The following NCMAP variants were observed in gnomAD, a reference collection of about 807,000 sequenced individuals.
NCMAP encodes non-compact myelin associated protein, also known as noncompact myelin-associated protein.
A neutral mutation model predicts 7.8 loss-of-function variants in NCMAP; 8 were observed. The ratio of observed to expected loss-of-function variants is 1.02; its 90% CI spans 0.60 to 1.84. The LOEUF is 1.84. NCMAP is among the 40% of genes most tolerant of loss of function. The probability of loss-of-function intolerance (pLI) is 0.00; values close to 1 mark genes in which losing one functional copy is unlikely to be tolerated. For missense variants in NCMAP, 112 were observed against 131.4 expected (o/e 0.85, Z 0.72); for synonymous variants, 41 against 52.9 (o/e 0.78, Z 0.98).
chr1:24,556,996 C>T (rs2148923210), intron 1 of NCMAP, among the ~76,000 whole-genome samples: 1 of 152,256 alleles, frequency 6.6e-6, no homozygotes, highest in Admixed American at 6.5e-5. Context: ...TGATGTGCTC[C>T]TTAAATGAAA....
intron 2 of NCMAP, among the ~76,000 whole-genome samples, chr1:24,599,724 C>G (rs1431727781): frequency 6.6e-6 from 1 of 150,812 alleles, no homozygotes; most frequent in East Asian, 2.0e-4. Context: ...ATTACAGGCA[C>G]ATGCCATCAC....
intron 2 of NCMAP, among the ~76,000 whole-genome samples, chr1:24,596,790 G>A (rs746562257): frequency 2.2e-4 from 33 of 152,344 alleles, no homozygotes; most frequent in Non-Finnish European, 2.6e-4. Context: ...ATGTAGGCGG[G>A]AAGAGTGAGT....
At chr1:24,568,458 C>T (rs1176501386) in intron 1 of NCMAP, among the ~76,000 whole-genome samples, 1 of 152,082 alleles carries the variant, frequency 6.6e-6, no homozygotes, top group Non-Finnish European at 1.5e-5. Context: ...ATTTTAACCT[C>T]GATTCTCATG....
chr1:24,562,275 G>A (rs1372959409), intron 1 of NCMAP, among the ~76,000 whole-genome samples: 1 of 152,184 alleles, frequency 6.6e-6, no homozygotes, highest in Admixed American at 6.5e-5. Flanking sequence ...TAATGTGCCA[G>A]GCATTCTACG....
chr1:24,598,404 C>T (rs140778048), intron 2 of NCMAP, among the ~76,000 whole-genome samples: 7 of 152,166 alleles, frequency 4.6e-5, no homozygotes, highest in South Asian at 2.1e-4. Flanking sequence ...CCTCCACCCC[C>T]CCAAGGGGAC....
intron 3 of NCMAP, among the ~76,000 whole-genome samples, chr1:24,601,816 A>C (rs1322078301): frequency 6.6e-6 from 1 of 152,126 alleles, no homozygotes; most frequent in Non-Finnish European, 1.5e-5. Context: ...CAAGATGGGC[A>C]GATAACGAGG....
intron 3 of NCMAP, among the ~76,000 whole-genome samples, chr1:24,601,339 A>T (rs2148938565): frequency 6.6e-6 from 1 of 152,142 alleles, no homozygotes; most frequent in East Asian, 1.9e-4. Context: ...TCTCTCAGAG[A>T]TCTCTCTTCT....
At chr1:24,568,511 G>C (rs1275916355) in intron 1 of NCMAP, among the ~76,000 whole-genome samples, 1 of 152,088 alleles carries the variant, frequency 6.6e-6, no homozygotes, top group Non-Finnish European at 1.5e-5. Flanking sequence ...TGGAGGAGGG[G>C]AGAGAAAGGA....
intron 3 of NCMAP, among the ~76,000 whole-genome samples, chr1:24,605,348 C>T (rs1405207648): frequency 1.3e-5 from 2 of 152,010 alleles, no homozygotes; most frequent in Admixed American, 6.6e-5. Flanking sequence ...TTTATATAGC[C>T]ACCTCTGACA....
chr1:24,592,779 A>C lies in NCMAP; in HGVS notation c.-7-2645A>C, dbSNP rs1272420037. 2.0e-5 allele frequency among the ~76,000 whole-genome samples: 3 copies of C among 151,950 alleles called. No homozygotes were observed. The East Asian group carries it at 5.8e-4, about 29-fold the overall frequency. On this transcript the variant is annotated intron_variant, in intron 1 of 3. Coordinates refer to ENST00000374392, the MANE Select transcript of NCMAP (RefSeq NM_001010980.5). ...TAAAAATACAAAAAAATTAGCCGGGAGTGGTGGCGGGCGCCTGTAGTCCCA... is the reference window on the plus strand; with the variant it reads ...TAAAAATACAAAAAAATTAGCCGGGCGTGGTGGCGGGCGCCTGTAGTCCCA...
At chr1:24,593,115 T>C (rs558671060) in intron 1 of NCMAP, among the ~76,000 whole-genome samples, 5 of 151,582 alleles carry the variant, frequency 3.3e-5, no homozygotes, top group Admixed American at 6.6e-5. Context: ...GAGACAGAGG[T>C]TGCAGTGAGC....
At chr1:24,605,048 G>A (rs569084118) in intron 3 of NCMAP, among the ~76,000 whole-genome samples, 7 of 151,886 alleles carry the variant, frequency 4.6e-5, no homozygotes, top group African/African-American at 7.2e-5. Flanking sequence ...CCCAGGAGGC[G>A]GAGGTTGCAG....
intron 1 of NCMAP, among the ~76,000 whole-genome samples, chr1:24,580,525 A>G (rs1651713775): frequency 6.6e-6 from 1 of 152,328 alleles, no homozygotes; most frequent in Non-Finnish European, 1.5e-5. Context: ...ATCTCAGCTC[A>G]CTGCAACCTC....
chr1:24,591,423 A>G (rs1173752972), intron 1 of NCMAP, among the ~76,000 whole-genome samples: 2 of 152,140 alleles, frequency 1.3e-5, no homozygotes, highest in Non-Finnish European at 2.9e-5. Context: ...GTGCACCACC[A>G]CAAGCGGCTA....
chr1:24,599,280 C>CAAAAAAAAAAAAAAAAAAACAAAAAA (rs34709750), intron 2 of NCMAP, among the ~76,000 whole-genome samples: 1 of 101,636 alleles, frequency 9.8e-6, no homozygotes, highest in Non-Finnish European at 2.0e-5. Flanking sequence ...AACTCCCTCT[C>CAAAAAAAAAAAAAAAAAAACAAAAAA]AAAAAAAAAA....
chr1:24,602,040 CA>C (rs10699965), intron 3 of NCMAP, among the ~76,000 whole-genome samples: 70,434 of 133,782 alleles, frequency 0.53, 17,068 homozygotes, highest in Middle Eastern at 0.63. Context: ...AACTCCGTCT[CA>C]AAAAAAAAAA....
chr1:24,559,394 G>T (rs541753518), intron 1 of NCMAP, among the ~76,000 whole-genome samples: 7 of 152,274 alleles, frequency 4.6e-5, no homozygotes, highest in Non-Finnish European at 2.9e-5. Context: ...GTGGGCAGGA[G>T]GCGGCAGGAA....
In NCMAP at chr1:24,600,593, A is replaced by T. The variant is rs1652450746; in HGVS notation, c.83-347A>T. On this transcript the variant is annotated intron_variant, in intron 2 of 3. Transcript: ENST00000374392. Reference sequence around the variant, plus strand: ...TATATTTTCAAAATTATTTTCTACAAAAATCACATGCTACTTTTGCATTAT... The same window carrying T: ...TATATTTTCAAAATTATTTTCTACATAAATCACATGCTACTTTTGCATTAT... Among the ~76,000 whole-genome samples the T allele has an allele frequency of 2.6e-5, 4 of 152,220 alleles. No homozygotes were observed. The South Asian group carries it at 8.3e-4, about 32-fold the overall frequency.
At chr1:24,562,677 A>C (rs990137324) in intron 1 of NCMAP, among the ~76,000 whole-genome samples, 3 of 152,204 alleles carry the variant, frequency 2.0e-5, no homozygotes, top group African/African-American at 7.2e-5. Flanking sequence ...ACTTTGGTGC[A>C]GATATTGGCA....
Sources: allele counts gnomAD v4.1 joint callset (sites outside exome capture counted in the v4.1 genomes callset), GRCh38; gene constraint gnomAD v4.1.1; transcripts MANE v1.5; gene names NCBI Gene and HGNC (gene_info 2026-07-23, HGNC 2026-07-21).